Variants in ANK2 observed in about 807,000 individuals in gnomAD.
ANK2 encodes ankyrin-2.
A neutral mutation model predicts 360.5 loss-of-function variants in ANK2; 83 were observed. That is an observed-to-expected ratio of 0.23 (90% CI 0.19 to 0.28). ANK2 has a LOEUF of 0.28. Ranked by LOEUF, ANK2 falls within the 10% of genes least tolerant of loss-of-function variation. The pLI is 1.00. For missense variants in ANK2, 4,201 were observed against 4,795.7 expected, an observed-to-expected ratio of 0.88 and a Z score of 3.66; for synonymous variants, 1,740 against 1,759.5, an observed-to-expected ratio of 0.99 and a Z score of 0.28.
At position 113,354,516 on chromosome 4, in the gene ANK2, T is replaced by C. The variant is rs1345619370; in HGVS notation, c.5898T>C (p.Ser1966=). The C allele has an allele frequency of 1.9e-6, 3 of 1,614,060 alleles. No homozygotes were observed. Among genetic ancestry groups the C allele is most frequent in the South Asian group, 2.2e-5 (2 of 91,080 alleles). Residue 1966 remains serine (S), a synonymous_variant, in exon 38 of 46, where the codon TCT becomes TCC. Transcript: ENST00000357077. ...KTEKHLPVSP[S]GKTEKQPPVS... is the part of the protein sequence containing the mutation. ...AGAAGCACCTGCCTGTGTCACCTTC[T>C]GGCAAAACAGAAAAGCAACCACCTG...
At chr4:113,192,930 A>ATTTTTTT (rs1562782025) in intron 2 of ANK2, among the ~76,000 whole-genome samples, 8 of 144,996 alleles carry the variant, frequency 5.5e-5, no homozygotes, top group Admixed American at 2.0e-4. Flanking sequence ...TATTTAAAAA[A>ATTTTTTT]AAAAAAAAAA....
chr4:112,745,232 A>G, the ANK2 span, among the ~76,000 whole-genome samples: 2 of 152,230 alleles, frequency 1.3e-5, no homozygotes, highest in Non-Finnish European at 2.9e-5. Flanking sequence ...ACATAAACAC[A>G]TCAAACATAA....
chr4:112,710,189 G>A, the ANK2 span, among the ~76,000 whole-genome samples: 1 of 152,098 alleles, frequency 6.6e-6, no homozygotes. Context: ...TGGAAGTTAG[G>A]GATTTAAAAT....
chr4:113,020,550 G>T (rs756976414), intron 2 of ANK2, among the ~76,000 whole-genome samples: 1 of 152,046 alleles, frequency 6.6e-6, no homozygotes, highest in African/African-American at 2.4e-5. Context: ...CAAAATGGCC[G>T]GCTGCGCTGG....
At chr4:113,315,829 G>A (rs931700420) in intron 24 of ANK2, among the ~76,000 whole-genome samples, 6 of 150,988 alleles carry the variant, frequency 4.0e-5, no homozygotes, top group East Asian at 2.0e-4. Context: ...CCTGGGAGGC[G>A]GAGCTTGCAC....
chr4:113,051,699 C>T (rs189747840), intron 1 of ANK2, among the ~76,000 whole-genome samples: 51 of 152,224 alleles, frequency 3.4e-4, no homozygotes, highest in African/African-American at 9.4e-4. Flanking sequence ...GTCAGTCAGA[C>T]ATAAGTGGGT....
the ANK2 span, among the ~76,000 whole-genome samples, chr4:112,773,195 T>C: frequency 6.6e-6 from 1 of 152,078 alleles, no homozygotes; most frequent in African/African-American, 2.4e-5. Flanking sequence ...TGGATGCCTA[T>C]AGTCCCAGCT....
At chr4:112,800,804 G>A in the ANK2 span, among the ~76,000 whole-genome samples, 5 of 152,182 alleles carry the variant, frequency 3.3e-5, no homozygotes, top group East Asian at 5.8e-4. Context: ...ACAGGTGCCC[G>A]CCAATGCAGC....
In ANK2 at chr4:113,309,800, G is replaced by T. The variant is rs184520148; in HGVS notation, c.2549-1455G>T. Among the ~76,000 whole-genome samples the T allele has an allele frequency of 5.3e-5, 8 of 152,242 alleles. No homozygotes were observed. In the East Asian group the frequency reaches 1.5e-3, roughly 29 times the overall value. On this transcript the variant is annotated intron_variant, in intron 23 of 45. Coordinates refer to ENST00000357077, the MANE Select transcript of ANK2 (RefSeq NM_001148.6). ...CTCCCAAAGTGCTGGGATTACAGGT[G>T]TGAACCACTGTACCTGGCCAATCAG...
chr4:113,060,393 G>A (rs569609939), intron 1 of ANK2, among the ~76,000 whole-genome samples: 4 of 152,036 alleles, frequency 2.6e-5, no homozygotes, highest in South Asian at 2.1e-4. Context: ...TCACAATAAC[G>A]TGATGAGTAG....
chr4:112,984,232 T>G (rs1419252200), intron 2 of ANK2, among the ~76,000 whole-genome samples: 1 of 152,100 alleles, frequency 6.6e-6, no homozygotes, highest in Non-Finnish European at 1.5e-5. Flanking sequence ...GATCAGGAGG[T>G]TTGGTCAGCG....
chr4:113,031,812 A>G (rs1237058194), intron 2 of ANK2, among the ~76,000 whole-genome samples: 1 of 152,062 alleles, frequency 6.6e-6, no homozygotes, highest in Admixed American at 6.6e-5. Context: ...TAAATAAAAC[A>G]GAGACATTCT....
intron 1 of ANK2, among the ~76,000 whole-genome samples, chr4:112,818,867 A>G (rs2056141927): frequency 6.6e-6 from 1 of 152,352 alleles, no homozygotes; most frequent in Non-Finnish European, 1.5e-5. Context: ...TGGCAGTAGA[A>G]GAATGATGGA....
At chr4:112,904,386 G>T in intron 1 of ANK2, 2 of 926,476 alleles carry the variant, frequency 2.2e-6, no homozygotes, top group Non-Finnish European at 1.6e-6. Context: ...TTGAAATATG[G>T]AAACTGTTCT....
At chr4:112,779,617 A>G in the ANK2 span, among the ~76,000 whole-genome samples, 4 of 152,340 alleles carry the variant, frequency 2.6e-5, no homozygotes, top group South Asian at 8.3e-4. Flanking sequence ...TCTCAATTAT[A>G]CAAATGTATG....
In ANK2 at chr4:112,885,185, C is replaced by T. The variant is rs28609267; in HGVS notation, c.-39-19270C>T. On this transcript the variant is annotated intron_variant, in intron 1 of 30. Transcript: ENST00000503271. Reference sequence around the variant, plus strand: ...TGACTTCCTTCCCTGTCCGTAATCACGCTCAACTCTTTATTTAAAAATTAA... The same window carrying T: ...TGACTTCCTTCCCTGTCCGTAATCATGCTCAACTCTTTATTTAAAAATTAA... 1.0e-2 allele frequency among the ~76,000 whole-genome samples: 1,518 copies of T among 152,218 alleles called. 25 individuals are homozygous for T. Among genetic ancestry groups the T allele is most frequent in the African/African-American group, 0.034 (1,421 of 41,526 alleles).
Position 113,355,747 on chromosome 4 carries a change from G to A in ANK2, c.7129G>A (p.Asp2377Asn), listed in dbSNP as rs1256125078. 2.5e-6 allele frequency: 4 copies of A among 1,614,008 alleles called. No homozygotes were observed. In the Admixed American group the frequency reaches 6.7e-5, roughly 27 times the overall value. Reference sequence around the variant, plus strand: ...GGTTCAAGAATCCACAGCCACCTCAGACGAGACAAAGGCCTTGCCGCTGCC... The same window carrying A: ...GGTTCAAGAATCCACAGCCACCTCAAACGAGACAAAGGCCTTGCCGCTGCC... ...SEVQESTATSDETKALPLPEA... is the reference protein window; with the variant it reads ...SEVQESTATSNETKALPLPEA... Residue 2377 changes from aspartate to asparagine, a missense_variant, in exon 38 of 46, where the codon GAC becomes AAC. Physicochemically the swap from Asp to Asn is conservative, Grantham distance 23 (BLOSUM62 1). This residue lies in a region of ANK2 where 2,642 missense variants were observed against 2,714.5 expected (regional missense o/e 0.97). Transcript: ENST00000357077.
intron 1 of ANK2, among the ~76,000 whole-genome samples, chr4:112,840,263 C>T (rs1273716724): frequency 6.6e-6 from 1 of 152,146 alleles, no homozygotes; most frequent in Non-Finnish European, 1.5e-5. Flanking sequence ...TGCACTGGCC[C>T]AGGACATGGT....
intron 1 of ANK2, among the ~76,000 whole-genome samples, chr4:112,861,464 C>G (rs868782294): frequency 6.6e-6 from 1 of 152,170 alleles, no homozygotes; most frequent in African/African-American, 2.4e-5. Flanking sequence ...AAATATCTTC[C>G]TTACTACAGG....
Sources: allele counts gnomAD v4.1 joint callset (sites outside exome capture counted in the v4.1 genomes callset), GRCh38; gene constraint gnomAD v4.1.1; regional missense constraint gnomAD v4.1.1; transcripts MANE v1.5; gene names NCBI Gene and HGNC (gene_info 2026-07-23, HGNC 2026-07-21).